The following PVT1 variants were observed in gnomAD, a reference collection of about 807,000 sequenced individuals.
PVT1 encodes the protein Pvt1 oncogene.
intron 4 of PVT1, among the ~76,000 whole-genome samples, chr8:128,044,039 G>A (rs1813582631): frequency 6.9e-6 from 1 of 145,224 alleles, no homozygotes; most frequent in Non-Finnish European, 1.5e-5. Context: ...TTGTAGAGAA[G>A]GGGTCTCACT....
At chr8:128,089,365 G>A (rs960049955) in intron 5 of PVT1, among the ~76,000 whole-genome samples, 16 of 152,074 alleles carry the variant, frequency 1.1e-4, no homozygotes, top group African/African-American at 3.1e-4. Flanking sequence ...CTCTGAGGTC[G>A]CTTATATAAT....
chr8:127,920,815 C>A (rs974565945), intron 3 of PVT1, among the ~76,000 whole-genome samples: 1 of 152,134 alleles, frequency 6.6e-6, no homozygotes, highest in African/African-American at 2.4e-5. Context: ...AATTGTAAAA[C>A]CATAGTTTGT....
At chr8:127,972,260 G>A (rs1816772993) in intron 3 of PVT1, among the ~76,000 whole-genome samples, 1 of 152,240 alleles carries the variant, frequency 6.6e-6, no homozygotes, top group Non-Finnish European at 1.5e-5. Context: ...CCGTGGGGCA[G>A]GCCACTCCAG....
At chr8:127,892,054 C>A (rs1815608432) in intron 3 of PVT1, among the ~76,000 whole-genome samples, 1 of 152,220 alleles carries the variant, frequency 6.6e-6, no homozygotes, top group South Asian at 2.1e-4. Context: ...AGCTCTCAGA[C>A]CACTTGAGGC....
intron 2 of PVT1, among the ~76,000 whole-genome samples, chr8:127,863,688 A>C (rs1168143974): frequency 6.6e-6 from 1 of 152,178 alleles, no homozygotes. Context: ...TGTCTCTTTT[A>C]TCATTTGGTA....
rs74924141 is a variant in PVT1, at chr8:127,806,635, A to G, written n.372+10564A>G. 9.2e-5 allele frequency among the ~76,000 whole-genome samples: 14 copies of G among 152,312 alleles called. No homozygotes were observed. The East Asian group carries it at 1.9e-3, about 21-fold the overall frequency. ...TGTGTTACACTGTTGTGTAATTACC[A>G]CAATCATGGCTTAGAACATTTCCAT... On this transcript the variant is annotated intron_variant and non_coding_transcript_variant, in intron 2 of 10. Transcript: ENST00000651587.
chr8:128,049,958 A>G (rs1375449053), intron 4 of PVT1, among the ~76,000 whole-genome samples: 1 of 152,142 alleles, frequency 6.6e-6, no homozygotes, highest in Non-Finnish European at 1.5e-5. Flanking sequence ...TCTGAGCCCA[A>G]AGTACACTGG....
chr8:127,937,246 T>C (rs956965081), intron 3 of PVT1, among the ~76,000 whole-genome samples: 14 of 138,672 alleles, frequency 1.0e-4, no homozygotes, highest in Non-Finnish European at 2.3e-4. Context: ...ATCTAATTCA[T>C]TGTTTTTCTT....
chr8:128,042,429 TG>T (rs1337453063), intron 4 of PVT1, among the ~76,000 whole-genome samples: 1 of 152,156 alleles, frequency 6.6e-6, no homozygotes, highest in Non-Finnish European at 1.5e-5. Context: ...AGTGTTGCAA[TG>T]TGTTTGGACC....
rs1815316254 is a variant in PVT1, at chr8:127,868,784, T to TATATATACGTATATATATATGTATATAC, written n.373-21798_373-21797insCGTATATATATATGTATATACATATATA. Among the ~76,000 whole-genome samples, 25 of 84,132 alleles carry TATATATACGTATATATATATGTATATAC rather than the reference T, an allele frequency of 3.0e-4. 1 individual carries two copies. Among genetic ancestry groups the TATATATACGTATATATATATGTATATAC allele is most frequent in the African/African-American group, 7.2e-4 (9 of 12,476 alleles). 55.2% of individuals were successfully genotyped at this position (84,132 alleles called of 152,430 possible). A position where few individuals can be genotyped will look rare whatever the true frequency, so the allele number is the denominator to read the frequency against. ...CTTCCTTTTAACATATATATATATA[T>TATATATACGTATATATATATGTATATAC]ATATATATACATATATATGTACATA... On this transcript the variant is annotated intron_variant and non_coding_transcript_variant, in intron 2 of 10. Transcript: ENST00000651587.
In PVT1 at chr8:127,985,615, G is replaced by A. The variant is rs117161617; in HGVS notation, n.783-3547G>A. On this transcript the variant is annotated intron_variant and non_coding_transcript_variant, in intron 3 of 10. Coordinates refer to ENST00000651587, the Ensembl canonical transcript of PVT1. ...CTGGATTTGATAGAATCTAGCAAGCGTGGGGGCCAGGCTCTGCTGACTCCC... is the reference window on the plus strand; with the variant it reads ...CTGGATTTGATAGAATCTAGCAAGCATGGGGGCCAGGCTCTGCTGACTCCC... Among the ~76,000 whole-genome samples, 873 of 152,150 alleles carry A rather than the reference G, an allele frequency of 5.7e-3. 6 individuals carry two copies. The highest frequency in any genetic ancestry group is 8.7e-3 in the Non-Finnish European group (592 of 67,970).
chr8:127,805,840 G>T (rs1814520989), intron 2 of PVT1, among the ~76,000 whole-genome samples: 1 of 152,044 alleles, frequency 6.6e-6, no homozygotes, highest in African/African-American at 2.4e-5. Context: ...GAGGTAAGGG[G>T]GTTCATACTG....
At chr8:127,929,057 A>C (rs529910015) in intron 3 of PVT1, among the ~76,000 whole-genome samples, 1 of 152,190 alleles carries the variant, frequency 6.6e-6, no homozygotes, top group Non-Finnish European at 1.5e-5. Context: ...ATATACCCCT[A>C]CTTAGAAGCA....
chr8:127,796,772 A>AT (rs1454065264), intron 2 of PVT1, among the ~76,000 whole-genome samples: 1 of 149,752 alleles, frequency 6.7e-6, no homozygotes, highest in African/African-American at 2.5e-5. Flanking sequence ...CCCCTTTGCT[A>AT]TTTGTTTTAT....
At chr8:127,972,668 G>T (rs948587376) in intron 3 of PVT1, among the ~76,000 whole-genome samples, 1 of 152,052 alleles carries the variant, frequency 6.6e-6, no homozygotes, top group African/African-American at 2.4e-5. Flanking sequence ...GAACCCAGGA[G>T]GCAGAGGTTG....
chr8:128,046,733 C>T (rs1358529136), intron 4 of PVT1, among the ~76,000 whole-genome samples: 1 of 152,138 alleles, frequency 6.6e-6, no homozygotes, highest in African/African-American at 2.4e-5. Context: ...TCTGAAGGTC[C>T]TCTCCCTTTT....
At chr8:127,892,338 C>T (rs1313149156) in intron 3 of PVT1, among the ~76,000 whole-genome samples, 2 of 152,210 alleles carry the variant, frequency 1.3e-5, no homozygotes, top group African/African-American at 4.8e-5. Context: ...AATGCATTTG[C>T]CTTGCACACA....
chr8:127,888,961 A>T (rs1290905338), intron 2 of PVT1, among the ~76,000 whole-genome samples: 7 of 152,126 alleles, frequency 4.6e-5, no homozygotes, highest in Admixed American at 4.6e-4. Context: ...AAGTTGGAGC[A>T]GTGGTCAAGC....
intron 3 of PVT1, chr8:127,939,973 C>T (rs1312557436): frequency 2.0e-5 from 3 of 152,150 alleles, no homozygotes; most frequent in African/African-American, 7.2e-5. Flanking sequence ...CAGGCCTGAA[C>T]CCTGCATTTT....
Sources: allele counts gnomAD v4.1 joint callset (sites outside exome capture counted in the v4.1 genomes callset), GRCh38; gene constraint gnomAD v4.1.1; transcripts MANE v1.5; gene names NCBI Gene and HGNC (gene_info 2026-07-23, HGNC 2026-07-21).